Variants in AMPD3 observed in about 807,000 individuals in gnomAD.
AMPD3 encodes adenosine monophosphate deaminase 3.
Under a neutral mutation model 82.3 loss-of-function variants are expected in AMPD3, and 57 were observed. That is an observed-to-expected ratio of 0.69 (90% CI 0.56 to 0.86). The LOEUF is 0.86. Among genes scored for constraint, AMPD3 ranks in the 40% least tolerant of loss-of-function variants. The pLI, the probability that AMPD3 is intolerant of heterozygous loss-of-function variation, is 0.00. For synonymous variants in AMPD3, 381 were observed against 394.7 expected (o/e 0.97, Z 0.41); for missense variants, 870 against 1,003.8 (o/e 0.87, Z 1.80).
chr11:10,491,239 C>T (rs1401716291), intron 6 of AMPD3, among the ~76,000 whole-genome samples: 3 of 152,128 alleles, frequency 2.0e-5, no homozygotes, highest in African/African-American at 7.2e-5. Context: ...CCCATAGGTC[C>T]CTTGTGCTCA....
chr11:10,491,241 T>C (rs1849232895), intron 6 of AMPD3, among the ~76,000 whole-genome samples: 1 of 152,140 alleles, frequency 6.6e-6, no homozygotes, highest in Non-Finnish European at 1.5e-5. Flanking sequence ...CATAGGTCCC[T>C]TGTGCTCAGG....
Position 10,458,302 on chromosome 11 carries a change from TCCC to T in AMPD3, c.-6+2855_-6+2857del, listed in dbSNP as rs1564837457. Among the ~76,000 whole-genome samples, 235 of 141,810 alleles carry T rather than the reference TCCC, an allele frequency of 1.7e-3. 1 individual carries two copies. The highest frequency in any genetic ancestry group is 5.5e-3 in the African/African-American group (207 of 37,966). The allele number at this position is 141,810 out of a possible 152,430, so 93.0% of individuals were successfully genotyped here. On this transcript the variant is annotated intron_variant, in intron 1 of 14. Transcript: ENST00000396553. ...ATTAGCCAGGTATGGTGATGCTCCC[TCCC>T]TCCCTCCCTTCGGCAATTAAGGAGG...
chr11:10,465,819 G>A (rs77410686), intron 2 of AMPD3, among the ~76,000 whole-genome samples: 1 of 132,134 alleles, frequency 7.6e-6, no homozygotes, highest in Non-Finnish European at 1.6e-5. Context: ...AGCTGCAGGA[G>A]TTTTTTTTTT....
chr11:10,502,745 T>C lies in AMPD3; in HGVS notation c.1867T>C (p.Tyr623His), dbSNP rs751906808. 2 of 1,614,122 alleles carry C rather than the reference T, an allele frequency of 1.2e-6. No individual in the cohort carries two copies. Among genetic ancestry groups the C allele is most frequent in the South Asian group, 1.1e-5 (1 of 91,090 alleles). ...GAGTCCGGTATTGCAGTATCTCTAC[T>C]ACCTTGCTCAGATCCCCATTGCCAT... Reference protein sequence around the residue: ...KKSPVLQYLYYLAQIPIAMSP... With the variant: ...KKSPVLQYLYHLAQIPIAMSP... Residue 623 changes from tyrosine to histidine, a missense_variant, in exon 13 of 15, where the codon TAC (tyrosine) becomes CAC (histidine). Physicochemically the swap from Tyr to His is moderately conservative, Grantham distance 83. Transcript: ENST00000396553.
At chr11:10,499,412 T>C (rs1367472282) in intron 10 of AMPD3, 1 of 152,790 alleles carries the variant, frequency 6.5e-6, no homozygotes, top group Non-Finnish European at 1.5e-5. Flanking sequence ...GAGACGGAGT[T>C]TCACCATGTT....
chr11:10,468,731 C>A (rs1848495187), intron 2 of AMPD3, among the ~76,000 whole-genome samples: 1 of 152,162 alleles, frequency 6.6e-6, no homozygotes, highest in South Asian at 2.1e-4. Flanking sequence ...AAATTGACCA[C>A]ATAATTGGAA....
At chr11:10,497,754 C>T (rs1204944258) in intron 10 of AMPD3, 2 of 985,138 alleles carry the variant, frequency 2.0e-6, no homozygotes, top group Non-Finnish European at 2.4e-6. Flanking sequence ...AGTCAGGGGC[C>T]TGCCTGGAGA....
At position 10,456,977 on chromosome 11, in the gene AMPD3, CTTT is replaced by C. The variant is rs571427952; in HGVS notation, c.-6+1545_-6+1547del. Reference sequence around the variant, plus strand: ...TTGTTGTGGTTGCTGTTGTTTCTTGCTTTTTTTTTTTTTTTTTTGAGAGAAGGT... The same window carrying C: ...TTGTTGTGGTTGCTGTTGTTTCTTGCTTTTTTTTTTTTTTTGAGAGAAGGT... On this transcript the variant is annotated intron_variant, in intron 1 of 14. Transcript: ENST00000396553. This position sits in a 1 kb window ranked among gnomAD's most constrained non-coding sequence, Gnocchi z 4.3. Among the ~76,000 whole-genome samples the C allele has an allele frequency of 8.5e-5, 11 of 129,208 alleles. No homozygotes were observed. The highest frequency in any genetic ancestry group is 2.3e-4 in the Admixed American group (3 of 12,938). The allele number at this position is 129,208 out of a possible 152,430, so 84.8% of individuals were successfully genotyped here.
At chr11:10,455,785 C>T (rs1037932855) in intron 1 of AMPD3, 5 of 391,908 alleles carry the variant, frequency 1.3e-5, no homozygotes, top group South Asian at 2.1e-4. Context: ...GATTGAAGCT[C>T]CCCCTGGCAG....
At position 10,493,168 on chromosome 11, in the gene AMPD3, A is replaced by G. The variant is rs188394816; in HGVS notation, c.940-181A>G. ...AGGTGGAATGCGCAGCAAGGCTGAA[A>G]GGGAGGGATACCAGTTCCGAAGTCT... On this transcript the variant is annotated intron_variant, in intron 6 of 14. Transcript: ENST00000396553. Among the ~76,000 whole-genome samples the G allele has an allele frequency of 9.9e-4, 151 of 152,288 alleles. 2 individuals are homozygous for G. The highest frequency in any genetic ancestry group is 4.6e-4 in the Non-Finnish European group (31 of 68,024).
At chr11:10,484,466 C>T (rs1054438883) in intron 4 of AMPD3, 53 of 985,062 alleles carry the variant, frequency 5.4e-5, no homozygotes, top group South Asian at 3.3e-4. Flanking sequence ...TCTGAAGTGC[C>T]GAGGAAAATG....
At chr11:10,505,567 G>A in intron 14 of AMPD3, 141 bp from the exon 15 acceptor site, 2 of 1,491,974 alleles carry the variant, frequency 1.3e-6, no homozygotes, top group Non-Finnish European at 1.8e-6. Flanking sequence ...TAAGAGTTCT[G>A]TGGGGATAAG....
At chr11:10,481,958 G>A in intron 3 of AMPD3, 105 bp from the exon 4 acceptor site, 1 of 1,427,248 alleles carries the variant, frequency 7.0e-7, no homozygotes, top group South Asian at 1.2e-5. Flanking sequence ...TGAAATCTAG[G>A]TTCCCAGATA....
chr11:10,484,168 C>T (rs1383425717), intron 4 of AMPD3: 2 of 863,666 alleles, frequency 2.3e-6, no homozygotes, highest in Non-Finnish European at 2.8e-6. Flanking sequence ...AAGGAGTTTG[C>T]TGAAAGTCTC....
intron 1 of AMPD3, among the ~76,000 whole-genome samples, chr11:10,458,321 A>G (rs994243233): frequency 1.3e-5 from 2 of 151,062 alleles, no homozygotes; most frequent in African/African-American, 4.9e-5. Flanking sequence ...CCCTTCGGCA[A>G]TTAAGGAGGG....
At chr11:10,495,122 C>G (rs1294325314) in intron 8 of AMPD3, 92 bp downstream of exon 8, 1 of 1,610,952 alleles carries the variant, frequency 6.2e-7, no homozygotes, top group Non-Finnish European at 8.5e-7. Flanking sequence ...CTGGCCCCTT[C>G]CCCTCCCTCT....
chr11:10,466,049 G>A (rs1440745560), intron 2 of AMPD3, among the ~76,000 whole-genome samples: 1 of 152,160 alleles, frequency 6.6e-6, no homozygotes. Flanking sequence ...ATCACCTGAC[G>A]TCAGGAGTTC....
intron 2 of AMPD3, among the ~76,000 whole-genome samples, chr11:10,476,303 A>C (rs932603707): frequency 6.6e-6 from 1 of 152,174 alleles, no homozygotes; most frequent in Admixed American, 6.5e-5. Flanking sequence ...CTGGAGCTCA[A>C]CTGAAGACCA....
intron 2 of AMPD3, among the ~76,000 whole-genome samples, chr11:10,470,910 C>T (rs532894468): frequency 5.3e-4 from 81 of 152,286 alleles, no homozygotes; most frequent in African/African-American, 1.9e-3. Context: ...AGGTTCAGTG[C>T]TATCCCCATC....
Sources: allele counts gnomAD v4.1 joint callset (sites outside exome capture counted in the v4.1 genomes callset), GRCh38; gene constraint gnomAD v4.1.1; non-coding constraint Gnocchi (gnomAD v3.1); transcripts MANE v1.5; gene names NCBI Gene and HGNC (gene_info 2026-07-23, HGNC 2026-07-21).